ENOX1: variants seen among roughly 807,000 people sequenced by gnomAD.
The protein encoded by ENOX1 is ecto-NOX disulfide-thiol exchanger 1.
A neutral mutation model predicts 82.5 loss-of-function variants in ENOX1; 42 were observed. The ratio of observed to expected loss-of-function variants is 0.51; its 90% CI spans 0.40 to 0.66. ENOX1 has a LOEUF of 0.66. Among genes scored for constraint, ENOX1 ranks in the 30% least tolerant of loss-of-function variants. ENOX1 has a pLI of 0.00. For missense variants in ENOX1, 608 were observed against 811.6 expected, an observed-to-expected ratio of 0.75 and a Z score of 3.05; for synonymous variants, 271 against 282.2, an observed-to-expected ratio of 0.96 and a Z score of 0.40.
intron 14 of ENOX1, among the ~76,000 whole-genome samples, chr13:43,239,961 G>A (rs1322465695): frequency 4.6e-5 from 7 of 152,120 alleles, no homozygotes; most frequent in Admixed American, 1.3e-4. Flanking sequence ...GACAATTATC[G>A]ATAATCTCCA....
rs967940836 is a variant in ENOX1, at chr13:43,668,524, A to G, written c.-284-980T>C. 3.3e-5 allele frequency among the ~76,000 whole-genome samples: 5 copies of G among 152,236 alleles called. No homozygotes were observed. In the South Asian group the frequency reaches 8.3e-4, roughly 25 times the overall value. The stretch of plus-strand genomic sequence containing the variant: ...CAGAACATGTAGACTAATTGTAAAC[A>G]GATAACTAAAAGCATAGCCAAATTT... On this transcript the variant is annotated intron_variant, in intron 1 of 16. Coordinates refer to ENST00000690772, the MANE Select transcript of ENOX1 (RefSeq NM_001347969.2).
chr13:43,678,318 G>T (rs1485901748), intron 1 of ENOX1, among the ~76,000 whole-genome samples: 2 of 152,054 alleles, frequency 1.3e-5, no homozygotes, highest in Non-Finnish European at 1.5e-5. Flanking sequence ...ATGGTACTTA[G>T]TCTACAGGCT....
intron 8 of ENOX1, among the ~76,000 whole-genome samples, chr13:43,350,908 G>A (rs1202403793): frequency 6.6e-6 from 1 of 152,110 alleles, no homozygotes; most frequent in Non-Finnish European, 1.5e-5. Context: ...GAGGAGACAG[G>A]GATTTTATGT....
intron 10 of ENOX1, among the ~76,000 whole-genome samples, chr13:43,323,015 G>A (rs1478011516): frequency 6.6e-6 from 1 of 152,198 alleles, no homozygotes; most frequent in Non-Finnish European, 1.5e-5. Flanking sequence ...GATGAAATGA[G>A]TTAATGAATG....
intron 11 of ENOX1, among the ~76,000 whole-genome samples, chr13:43,317,093 A>G (rs1405350387): frequency 1.3e-5 from 2 of 152,028 alleles, no homozygotes; most frequent in Non-Finnish European, 2.9e-5. Flanking sequence ...CAACACAGAC[A>G]CCCCTGCCCT....
chr13:43,580,097 G>A (rs114802141), intron 2 of ENOX1, among the ~76,000 whole-genome samples: 220 of 152,306 alleles, frequency 1.4e-3, no homozygotes, highest in African/African-American at 5.0e-3. Context: ...ACTTGAGAAT[G>A]AGAATGAGTC....
chr13:43,417,110 G>A (rs1367168846), intron 3 of ENOX1, among the ~76,000 whole-genome samples: 4 of 152,340 alleles, frequency 2.6e-5, no homozygotes, highest in Admixed American at 6.5e-5. Context: ...TCGGCAGGCC[G>A]AGGCAGGAGA....
chr13:43,487,818 TG>T (rs1014073514), intron 2 of ENOX1, among the ~76,000 whole-genome samples: 50 of 152,192 alleles, frequency 3.3e-4, no homozygotes, highest in Non-Finnish European at 1.0e-4. Context: ...AGCCACAAAA[TG>T]ATGGTGGCTA....
In ENOX1 at chr13:43,348,840, C is replaced by T. The variant is rs191674352; in HGVS notation, c.824-4090G>A. Reference sequence around the variant, plus strand: ...GAAAAGCCACCAAGTGCTTCCTTTACGTGAAAAGGTAAAAGTTCTTCACAA... The same window carrying T: ...GAAAAGCCACCAAGTGCTTCCTTTATGTGAAAAGGTAAAAGTTCTTCACAA... On this transcript the variant is annotated intron_variant, in intron 8 of 16. Coordinates refer to ENST00000690772, the MANE Select transcript of ENOX1 (RefSeq NM_001347969.2). 1.3e-4 allele frequency among the ~76,000 whole-genome samples: 20 copies of T among 152,188 alleles called. No homozygotes were observed. In the East Asian group the frequency reaches 2.1e-3, roughly 16 times the overall value.
At chr13:43,445,018 A>C (rs2056550880) in intron 3 of ENOX1, among the ~76,000 whole-genome samples, 1 of 152,120 alleles carries the variant, frequency 6.6e-6, no homozygotes. Context: ...AGTAAGAATG[A>C]GAAGCAAGGA....
intron 5 of ENOX1, among the ~76,000 whole-genome samples, chr13:43,407,547 C>T (rs1380161747): frequency 6.6e-6 from 1 of 151,980 alleles, no homozygotes; most frequent in African/African-American, 2.4e-5. Context: ...GGTTTTAAGC[C>T]CCGCATGCAT....
At chr13:43,303,917 T>G (rs2046722599) in intron 11 of ENOX1, among the ~76,000 whole-genome samples, 1 of 152,216 alleles carries the variant, frequency 6.6e-6, no homozygotes, top group African/African-American at 2.4e-5. Flanking sequence ...GAGCCACTGC[T>G]CAGACCGCTG....
chr13:43,419,301 T>A (rs988202410), intron 3 of ENOX1, among the ~76,000 whole-genome samples: 1 of 152,144 alleles, frequency 6.6e-6, no homozygotes, highest in African/African-American at 2.4e-5. Context: ...ATAATCCACT[T>A]TGGGAGACCA....
intron 11 of ENOX1, among the ~76,000 whole-genome samples, chr13:43,311,259 A>G (rs1249175940): frequency 6.6e-6 from 1 of 152,086 alleles, no homozygotes; most frequent in African/African-American, 2.4e-5. Context: ...CTGAAGCCAG[A>G]TACCAGCTAT....
At chr13:43,233,516 C>A (rs759146736) in intron 15 of ENOX1, among the ~76,000 whole-genome samples, 1 of 152,060 alleles carries the variant, frequency 6.6e-6, no homozygotes, top group Non-Finnish European at 1.5e-5. Context: ...CAGAATACAC[C>A]CTTTTGCCCA....
At chr13:43,663,935 A>C (rs1197169576) in intron 2 of ENOX1, among the ~76,000 whole-genome samples, 2 of 152,174 alleles carry the variant, frequency 1.3e-5, no homozygotes, top group African/African-American at 4.8e-5. Flanking sequence ...CACTTAACAT[A>C]AACTCATGAT....
intron 3 of ENOX1, among the ~76,000 whole-genome samples, chr13:43,464,915 T>A (rs2057651705): frequency 6.6e-6 from 1 of 152,220 alleles, no homozygotes; most frequent in Non-Finnish European, 1.5e-5. Flanking sequence ...CCCATGACAT[T>A]GACGGTCTTG....
intron 1 of ENOX1, among the ~76,000 whole-genome samples, chr13:43,701,063 G>A (rs1027627564): frequency 6.6e-6 from 1 of 151,992 alleles, no homozygotes; most frequent in African/African-American, 2.4e-5. Context: ...CAATACTGGA[G>A]GTACAAAACT....
At chr13:43,600,164 T>C (rs1252143977) in intron 2 of ENOX1, among the ~76,000 whole-genome samples, 3 of 152,078 alleles carry the variant, frequency 2.0e-5, no homozygotes, top group African/African-American at 7.2e-5. Flanking sequence ...AAAGGAGACT[T>C]TGTCTTACAG....
Sources: allele counts gnomAD v4.1 joint callset (sites outside exome capture counted in the v4.1 genomes callset), GRCh38; gene constraint gnomAD v4.1.1; transcripts MANE v1.5; gene names NCBI Gene and HGNC (gene_info 2026-07-23, HGNC 2026-07-21).